GSE1: variants seen among roughly 807,000 people sequenced by gnomAD.
GSE1 encodes Gse1 coiled-coil protein, also known as genetic suppressor element 1.
Under a neutral mutation model 112.6 loss-of-function variants are expected in GSE1, and 32 were observed. The observed-to-expected ratio is 0.28, with a 90% CI of 0.21 to 0.38. The LOEUF (loss-of-function observed/expected upper bound fraction) is 0.38, where lower values mean the gene tolerates loss of function less well. Ranked by LOEUF, GSE1 falls within the 10% of genes least tolerant of loss-of-function variation. GSE1 has a pLI of 1.00. For synonymous variants in GSE1, 1,115 were observed against 735.6 expected, an observed-to-expected ratio of 1.52 and a Z score of -8.35; for missense variants, 2,348 against 1,699.2, an observed-to-expected ratio of 1.38 and a Z score of -6.71.
At chr16:85,498,381 A>G (rs976771585) in intron 2 of GSE1, among the ~76,000 whole-genome samples, 2 of 152,030 alleles carry the variant, frequency 1.3e-5, no homozygotes, top group African/African-American at 4.8e-5. Context: ...ATATACACAC[A>G]TAGACATGTA....
intron 2 of GSE1, among the ~76,000 whole-genome samples, chr16:85,647,422 A>C (rs2050965903): frequency 6.6e-6 from 1 of 152,196 alleles, no homozygotes; most frequent in Admixed American, 6.5e-5. Context: ...GTACCCTTAA[A>C]GATGGTGAAT....
intron 2 of GSE1, among the ~76,000 whole-genome samples, chr16:85,371,701 C>T (rs997812745): frequency 1.3e-4 from 20 of 152,224 alleles, no homozygotes; most frequent in African/African-American, 4.6e-4. Flanking sequence ...CACCAGACAC[C>T]TGAGGGTGAG....
At chr16:85,256,722 C>A (rs551086001) in intron 1 of GSE1, among the ~76,000 whole-genome samples, 1 of 152,402 alleles carries the variant, frequency 6.6e-6, no homozygotes, top group Middle Eastern at 3.4e-3. Context: ...GAGGTGTTGT[C>A]AGCCCTGGGG....
At chr16:85,374,084 A>G (rs1243861532) in intron 2 of GSE1, among the ~76,000 whole-genome samples, 1 of 151,434 alleles carries the variant, frequency 6.6e-6, no homozygotes, top group Non-Finnish European at 1.5e-5. Flanking sequence ...GTGGTGCTGT[A>G]TGTGTTGGTG....
At chr16:85,475,023 T>G (rs1201706660) in intron 2 of GSE1, among the ~76,000 whole-genome samples, 1 of 152,130 alleles carries the variant, frequency 6.6e-6, no homozygotes, top group Non-Finnish European at 1.5e-5. Context: ...GGCGACCCCA[T>G]GTCCTCTGTG....
At position 85,666,172 on chromosome 16, in the gene GSE1, T is replaced by C. The variant is rs2052842108; in HGVS notation, c.2955T>C (p.Ser985=). ...GCGAGGCCCCTGGAGGCAAAAAGAG[T>C]CTGAGCATGCTTCACTATATCCGGG... is the stretch of plus-strand genomic sequence containing the variant. ...RLSEAPGGKK[S]LSMLHYIRGA... The change falls in exon 13 of 16, where the codon AGT becomes AGC. Residue 985 remains serine (S), a synonymous_variant. Coordinates refer to ENST00000253458, the MANE Select transcript of GSE1 (RefSeq NM_014615.5). 2.5e-6 allele frequency: 4 copies of C among 1,613,046 alleles called. No individual in the cohort carries two copies. The highest frequency in any genetic ancestry group is 3.4e-6 in the Non-Finnish European group (4 of 1,179,954).
intron 2 of GSE1, among the ~76,000 whole-genome samples, chr16:85,426,577 T>C (rs1331983444): frequency 1.7e-5 from 2 of 120,540 alleles, no homozygotes; most frequent in African/African-American, 6.9e-5. Context: ...GGTGAATGAA[T>C]GTGGATGGGT....
At chr16:85,383,527 G>GTCTCTCTC (rs55919597) in intron 2 of GSE1, among the ~76,000 whole-genome samples, 2 of 130,870 alleles carry the variant, frequency 1.5e-5, no homozygotes, top group African/African-American at 5.2e-5. Context: ...GCACACCTGC[G>GTCTCTCTC]TCTCTCTCTC....
chr16:85,345,856 G>A (rs931306325), intron 1 of GSE1, among the ~76,000 whole-genome samples: 4 of 152,210 alleles, frequency 2.6e-5, no homozygotes, highest in Non-Finnish European at 5.9e-5. Context: ...TGGATTGATG[G>A]ATGATGAGCA....
At chr16:85,657,203 G>A (rs2052035647) in intron 7 of GSE1, 74 bp from the exon 8 acceptor site, 3 of 1,046,324 alleles carry the variant, frequency 2.9e-6, no homozygotes, top group Non-Finnish European at 4.1e-6. Context: ...TGGGCAGTTG[G>A]GTGAGAGAGG....
At chr16:85,564,344 CG>C (rs1567593911) in intron 1 of GSE1, among the ~76,000 whole-genome samples, 1 of 151,940 alleles carries the variant, frequency 6.6e-6, no homozygotes, top group Non-Finnish European at 1.5e-5. Flanking sequence ...TCAGGTGTGC[CG>C]GGAGCTGGGC....
intron 1 of GSE1, among the ~76,000 whole-genome samples, chr16:85,259,522 C>T (rs1174605533): frequency 6.6e-6 from 1 of 152,234 alleles, no homozygotes; most frequent in Non-Finnish European, 1.5e-5. Flanking sequence ...GCTTGTTTTG[C>T]CCCAGGGCAG....
intron 3 of GSE1, among the ~76,000 whole-genome samples, chr16:85,651,476 C>CT (rs1455917213): frequency 6.6e-6 from 1 of 152,176 alleles, no homozygotes; most frequent in East Asian, 1.9e-4. Context: ...GCGAGCAGGG[C>CT]TTTGTCCTCG....
rs1011353496 is a variant in GSE1 at position 85,640,588 on chromosome 16, G to A, written c.226+6456G>A. Among the ~76,000 whole-genome samples the A allele has an allele frequency of 3.3e-5, 5 of 152,318 alleles. 1 individual carries two copies. Among genetic ancestry groups the A allele is most frequent in the African/African-American group, 4.8e-5 (2 of 41,568 alleles). ...AAACCGAGATCCCACCTGAGTGAGTGGGGACTACGTGTGCGGGGACCACGG... is the reference window on the plus strand; with the variant it reads ...AAACCGAGATCCCACCTGAGTGAGTAGGGACTACGTGTGCGGGGACCACGG... On this transcript the variant is annotated intron_variant, in intron 2 of 15. Transcript: ENST00000253458.
At position 85,359,624 on chromosome 16, in the gene GSE1, C is replaced by G. The variant is rs182900289; in HGVS notation, c.2464+1981C>G. ...GGCACCGAGGAAGAACCAAGTCTGC[C>G]TTTTTCCCACTCATGTTGGGACACA... On this transcript the variant is annotated intron_variant, in intron 2 of 2. Coordinates refer to the GSE1 transcript ENST00000637419. Among the ~76,000 whole-genome samples the G allele has an allele frequency of 5.2e-3, 790 of 152,342 alleles. 9 individuals carry two copies. The highest frequency in any genetic ancestry group is 0.018 in the African/African-American group (762 of 41,566).
intron 2 of GSE1, among the ~76,000 whole-genome samples, chr16:85,411,739 G>GC (rs1214259678): frequency 3.7e-5 from 1 of 27,048 alleles, no homozygotes; most frequent in African/African-American, 1.6e-4. Flanking sequence ...TACACTCAGG[G>GC]CCCCCCGGAT....
intron 1 of GSE1, among the ~76,000 whole-genome samples, chr16:85,191,858 C>T (rs1245618060): frequency 1.3e-5 from 2 of 152,024 alleles, no homozygotes; most frequent in Non-Finnish European, 2.9e-5. Flanking sequence ...GACGGATAGA[C>T]TTGGGTGGTG....
rs997942530 is a variant in GSE1 at position 85,256,491 on chromosome 16, G to A, written c.2283+84684G>A. On this transcript the variant is annotated intron_variant, in intron 1 of 2. Coordinates refer to the GSE1 transcript ENST00000637419. ...GCAGATGGGGTAGCTGAGGTGTGAT[G>A]TGGCTGAGGTGCTCACTCGGGGTCA... Among the ~76,000 whole-genome samples, 4 of 152,352 alleles carry A rather than the reference G, an allele frequency of 2.6e-5. No individual in the cohort carries two copies. In the East Asian group the frequency reaches 7.7e-4, roughly 29 times the overall value.
chr16:85,675,610 T>C lies in GSE1; in HGVS notation c.*3071T>C, dbSNP rs936498115. 7.9e-5 allele frequency: 12 copies of C among 152,250 alleles called. No homozygotes were observed. 9.4% of individuals were successfully genotyped at this position (152,250 alleles called of 1,614,324 possible). A position where few individuals can be genotyped will look rare whatever the true frequency, so the allele number is the denominator to read the frequency against. ...ATTCTAACACAGGGAATCTGCAGTTTGTAGCAGAATGGTATTTTCCTCAAG... is the reference window on the plus strand; with the variant it reads ...ATTCTAACACAGGGAATCTGCAGTTCGTAGCAGAATGGTATTTTCCTCAAG... On this transcript the variant is annotated 3_prime_UTR_variant, in exon 16 of 16. Coordinates refer to ENST00000253458, the MANE Select transcript of GSE1 (RefSeq NM_014615.5).
Sources: allele counts gnomAD v4.1 joint callset (sites outside exome capture counted in the v4.1 genomes callset), GRCh38; gene constraint gnomAD v4.1.1; transcripts MANE v1.5; gene names NCBI Gene and HGNC (gene_info 2026-07-23, HGNC 2026-07-21).